The following NETO1 variants were observed in gnomAD, a reference collection of about 807,000 sequenced individuals.
NETO1 encodes neuropilin and tolloid like 1, also known as neuropilin and tolloid-like protein 1.
In NETO1, 26 loss-of-function variants were observed where a neutral mutation model predicts 61.3. The observed-to-expected ratio is 0.42, with a 90% CI of 0.31 to 0.59. NETO1 has a LOEUF of 0.59. Among genes scored for constraint, NETO1 ranks in the 20% least tolerant of loss-of-function variants. The probability of loss-of-function intolerance (pLI) is 0.12; values close to 1 mark genes in which losing one functional copy is unlikely to be tolerated. For missense variants in NETO1, 531 were observed against 662.8 expected (o/e 0.80, Z 2.18); for synonymous variants, 225 against 225.8 (o/e 1.00, Z 0.03).
chr18:72,753,568 G>A (rs183835490), intron 8 of NETO1, among the ~76,000 whole-genome samples: 1 of 152,288 alleles, frequency 6.6e-6, no homozygotes, highest in African/African-American at 2.4e-5. Flanking sequence ...AAACCAGTGA[G>A]TTCAGACAGT....
At chr18:72,825,434 ATTT>A (rs1322826374) in intron 4 of NETO1, among the ~76,000 whole-genome samples, 2 of 152,004 alleles carry the variant, frequency 1.3e-5, no homozygotes, top group Non-Finnish European at 2.9e-5. Flanking sequence ...CATTAATATT[ATTT>A]ATTTTTACCT....
rs142231254 is a variant in NETO1, at chr18:72,858,244, T to C, written c.469+582A>G. Among the ~76,000 whole-genome samples the C allele has an allele frequency of 5.8e-3, 877 of 152,292 alleles. 11 individuals carry two copies. The highest frequency in any genetic ancestry group is 0.019 in the African/African-American group (803 of 41,556). Reference sequence around the variant, plus strand: ...GAGTTAAAAGGAAAATTGATACAGATTGCATAATTTGATAATTGCACACAA... The same window carrying C: ...GAGTTAAAAGGAAAATTGATACAGACTGCATAATTTGATAATTGCACACAA... On this transcript the variant is annotated intron_variant, in intron 4 of 10. Coordinates refer to ENST00000327305, the MANE Select transcript of NETO1 (RefSeq NM_138966.5).
intron 7 of NETO1, among the ~76,000 whole-genome samples, chr18:72,765,679 AG>A (rs1388775678): frequency 6.6e-6 from 1 of 152,164 alleles, no homozygotes; most frequent in Admixed American, 6.5e-5. Flanking sequence ...GGCCTCCCAA[AG>A]TGCTGAGGTT....
chr18:72,822,849 AAG>A (rs1335148191), intron 4 of NETO1, among the ~76,000 whole-genome samples: 3 of 152,130 alleles, frequency 2.0e-5, no homozygotes, highest in East Asian at 1.9e-4. Context: ...AAAATAATAA[AAG>A]AGAGAGTATG....
intron 6 of NETO1, among the ~76,000 whole-genome samples, chr18:72,784,719 C>T (rs1206971336): frequency 6.6e-6 from 1 of 152,160 alleles, no homozygotes; most frequent in African/African-American, 2.4e-5. Context: ...ACTGCTTTTC[C>T]ATCAACAGAC....
chr18:72,864,732 T>C, intron 3 of NETO1, 76 bp downstream of exon 3: 2 of 1,585,400 alleles, frequency 1.3e-6, no homozygotes, highest in Non-Finnish European at 1.7e-6. Context: ...CCTATACGCA[T>C]ATTCTTCATC....
intron 4 of NETO1, among the ~76,000 whole-genome samples, chr18:72,839,205 T>C (rs2073846975): frequency 1.3e-5 from 2 of 152,204 alleles, no homozygotes; most frequent in African/African-American, 4.8e-5. Context: ...ATGAAGAATC[T>C]GAATCCCAGT....
chr18:72,864,180 T>A (rs1189626989), intron 3 of NETO1, among the ~76,000 whole-genome samples: 1 of 152,124 alleles, frequency 6.6e-6, no homozygotes, highest in East Asian at 1.9e-4. Context: ...AAAAAAGTGT[T>A]TACAAGGTTA....
intron 4 of NETO1, among the ~76,000 whole-genome samples, chr18:72,814,147 T>C (rs1016435876): frequency 2.0e-5 from 3 of 152,022 alleles, no homozygotes; most frequent in African/African-American, 7.2e-5. Context: ...GTAAGTGATA[T>C]TAGGTCCCCA....
chr18:72,750,474 A>C lies in NETO1; in HGVS notation c.1129T>G (p.Ser377Ala), dbSNP rs776107511. Residue 377 changes from serine to alanine, a missense_variant, in exon 9 of 11, where the codon TCA becomes GCA. Ser to Ala is a moderately conservative substitution (Grantham distance 99, BLOSUM62 1). Coordinates refer to ENST00000327305, the MANE Select transcript of NETO1 (RefSeq NM_138966.5). ...TGGAAAACTGTCTGGTCAAAGTCTG[A>C]TTTCCTTTGGACATACTTTTTACGA... ...QPRKKYVQRK[S>A]DFDQTVFQEV... is the part of the protein sequence containing the mutation. 6.2e-7 allele frequency: 1 copy of C among 1,614,100 alleles called. No homozygotes were observed. Among genetic ancestry groups the C allele is most frequent in the Non-Finnish European group, 8.5e-7 (1 of 1,179,998 alleles).
At chr18:72,783,104 T>C (rs1443298963) in intron 7 of NETO1, among the ~76,000 whole-genome samples, 1 of 152,232 alleles carries the variant, frequency 6.6e-6, no homozygotes, top group African/African-American at 2.4e-5. Context: ...TCATTATTTA[T>C]TAGAACATAA....
At chr18:72,857,392 A>G (rs1227910096) in intron 4 of NETO1, among the ~76,000 whole-genome samples, 1 of 152,206 alleles carries the variant, frequency 6.6e-6, no homozygotes, top group Non-Finnish European at 1.5e-5. Context: ...CATTTATGTC[A>G]TCTCAAATAG....
At chr18:72,807,874 C>T (rs2072730891) in intron 4 of NETO1, among the ~76,000 whole-genome samples, 1 of 152,088 alleles carries the variant, frequency 6.6e-6, no homozygotes, top group Non-Finnish European at 1.5e-5. Context: ...CAAGGGCAAC[C>T]AGGGACGCTC....
chr18:72,823,147 A>T (rs1392433779), intron 4 of NETO1, among the ~76,000 whole-genome samples: 1 of 152,152 alleles, frequency 6.6e-6, no homozygotes. Flanking sequence ...TACTTAATAA[A>T]TATTTATTGG....
rs2070438863 is a variant in NETO1 at position 72,746,650 on chromosome 18, G to T, written c.*1529C>A. Among the ~76,000 whole-genome samples the T allele has an allele frequency of 6.6e-6, 1 of 151,746 alleles. No homozygotes were observed. The highest frequency in any genetic ancestry group is 6.6e-5 in the Admixed American group (1 of 15,192). On this transcript the variant is annotated 3_prime_UTR_variant, in exon 11 of 11. Transcript: ENST00000327305. ...AGTATAACAGTAATTCATCTAGTTTGCAAAGCCTGCTTGAATTGCAAAGTC... is the reference window on the plus strand; with the variant it reads ...AGTATAACAGTAATTCATCTAGTTTTCAAAGCCTGCTTGAATTGCAAAGTC...
chr18:72,829,093 T>A (rs2073487394), intron 4 of NETO1, among the ~76,000 whole-genome samples: 1 of 152,104 alleles, frequency 6.6e-6, no homozygotes, highest in African/African-American at 2.4e-5. Context: ...ACAGCACAAC[T>A]TATATTAGAA....
intron 7 of NETO1, among the ~76,000 whole-genome samples, chr18:72,770,623 A>G (rs2071323329): frequency 2.0e-5 from 3 of 152,186 alleles, no homozygotes; most frequent in African/African-American, 7.2e-5. Context: ...CAATCATGGC[A>G]ATTCACAAGG....
rs191705126 is a variant in NETO1 at position 72,794,243 on chromosome 18, C to A, written c.513G>T (p.Ala171=). Residue 171 remains alanine (A), a splice_region_variant and synonymous_variant, in exon 6 of 11, where the codon GCG becomes GCT. Transcript: ENST00000327305. ...CGGAACCGCCCATCTCAAACTCACA[C>A]GCTAAATAACAAAATGCCAAACAAA... ...KDLGALKPLP[A]CEFEMGGSEG... 1 of 1,614,096 alleles carries A rather than the reference C, an allele frequency of 6.2e-7. No homozygotes were observed. Among genetic ancestry groups the A allele is most frequent in the Non-Finnish European group, 8.5e-7 (1 of 1,180,004 alleles).
chr18:72,853,960 T>C (rs552333880), intron 4 of NETO1, among the ~76,000 whole-genome samples: 6 of 152,256 alleles, frequency 3.9e-5, no homozygotes, highest in African/African-American at 1.4e-4. Context: ...TACATATATA[T>C]TCACGTTTCT....
Sources: gnomAD v4.1 joint callset for allele counts (sites outside exome capture counted in the v4.1 genomes callset) on GRCh38, gnomAD v4.1.1 for gene constraint, MANE v1.5 for transcripts, NCBI Gene and HGNC (gene_info 2026-07-23, HGNC 2026-07-21) for gene names.